The following MMP26 variants were observed in gnomAD, a reference collection of about 807,000 sequenced individuals.
The protein encoded by MMP26 is matrix metallopeptidase 26, also known as matrix metalloproteinase-26.
Under a neutral mutation model 31.0 loss-of-function variants are expected in MMP26, and 33 were observed. The observed-to-expected ratio is 1.06, with a 90% CI of 0.81 to 1.42. The LOEUF is 1.42. Ranked by LOEUF, MMP26 falls within the 40% of genes most tolerant of loss-of-function variation. The pLI is 0.00. For missense variants in MMP26, 347 were observed against 316.1 expected, an observed-to-expected ratio of 1.10 and a Z score of -0.74; for synonymous variants, 122 against 114.9, an observed-to-expected ratio of 1.06 and a Z score of -0.40.
chr11:4,878,292 C>T (rs1459385197), intron 2 of MMP26, among the ~76,000 whole-genome samples: 1 of 152,102 alleles, frequency 6.6e-6, no homozygotes, highest in Non-Finnish European at 1.5e-5. Flanking sequence ...ATCCGGACTG[C>T]TTAGTCCATT....
intron 1 of MMP26, among the ~76,000 whole-genome samples, chr11:4,728,020 G>A (rs1019360491): frequency 2.6e-5 from 4 of 152,130 alleles, no homozygotes; most frequent in African/African-American, 9.7e-5. Context: ...GTTCTCCTGA[G>A]AAGTAAAATT....
intron 2 of MMP26, among the ~76,000 whole-genome samples, chr11:4,904,916 A>G (rs1429853562): frequency 6.6e-6 from 1 of 152,130 alleles, no homozygotes; most frequent in Non-Finnish European, 1.5e-5. Flanking sequence ...ACCTTTTAAC[A>G]TGGAGTAGTC....
At chr11:4,790,955 A>G (rs1309445158) in intron 2 of MMP26, among the ~76,000 whole-genome samples, 5 of 152,196 alleles carry the variant, frequency 3.3e-5, no homozygotes, top group Non-Finnish European at 7.3e-5. Flanking sequence ...TTACATTTCT[A>G]ATTATATCTT....
chr11:4,803,032 A>G (rs950844025), intron 2 of MMP26, among the ~76,000 whole-genome samples: 1 of 152,214 alleles, frequency 6.6e-6, no homozygotes, highest in African/African-American at 2.4e-5. Context: ...GAAGAAATAT[A>G]TGTACTTTTA....
At chr11:4,901,248 C>A (rs918275676) in intron 2 of MMP26, among the ~76,000 whole-genome samples, 1 of 149,622 alleles carries the variant, frequency 6.7e-6, no homozygotes. Flanking sequence ...AAGCTCTGCC[C>A]CCCGGGGTTC....
chr11:4,785,088 T>A (rs552707458), intron 2 of MMP26, among the ~76,000 whole-genome samples: 1 of 152,172 alleles, frequency 6.6e-6, no homozygotes, highest in African/African-American at 2.4e-5. Context: ...TGATATATAC[T>A]GGTGTGACCA....
rs773751132 is a variant in MMP26 at position 4,989,735 on chromosome 11, C to T, written c.187C>T (p.Arg63Trp). 3.1e-5 allele frequency: 50 copies of T among 1,613,882 alleles called. No individual in the cohort carries two copies. The Admixed American group carries it at 5.7e-4, about 18-fold the overall frequency. Residue 63 changes from arginine to tryptophan, a missense_variant, in exon 4 of 8, where the codon CGG (arginine) becomes TGG (tryptophan). Transcript: ENST00000380390. ...TQTQLLQQFHRNGTDLLDMQM... is the reference protein window; with the variant it reads ...TQTQLLQQFHWNGTDLLDMQM... ...AACACAGCTCCTGCAACAATTCCATCGGAATGGGACAGACCTACTTGACAT... is the reference window on the plus strand; with the variant it reads ...AACACAGCTCCTGCAACAATTCCATTGGAATGGGACAGACCTACTTGACAT...
In MMP26 at chr11:4,988,120, T is replaced by C; in HGVS notation, c.-92T>C. On this transcript the variant is annotated 5_prime_UTR_variant, in exon 3 of 8. Transcript: ENST00000380390. ...TCAAAGAAAGGGCAAACTGGCAGAG[T>C]GAGTCATTGGATGTTGCTGGCACAG... 9.0e-7 allele frequency: 1 copy of C among 1,107,808 alleles called. No individual in the cohort carries two copies. 68.6% of individuals were successfully genotyped at this position (1,107,808 alleles called of 1,614,324 possible).
intron 2 of MMP26, among the ~76,000 whole-genome samples, chr11:4,942,144 A>G (rs1266757318): frequency 6.7e-6 from 1 of 149,298 alleles, no homozygotes; most frequent in East Asian, 2.0e-4. Flanking sequence ...GCTGCCAAGA[A>G]GAACATGCCT....
At position 4,889,838 on chromosome 11, in the gene MMP26, C is replaced by T. The variant is rs549993904; in HGVS notation, c.-144-98230C>T. The T allele has an allele frequency of 2.1e-4, 36 of 173,142 alleles. No individual in the cohort carries two copies. In the South Asian group the frequency reaches 5.1e-3, roughly 24 times the overall value. The allele number at this position is 173,142 out of a possible 1,614,324, so 10.7% of individuals were successfully genotyped here. A position where few individuals can be genotyped will look rare whatever the true frequency, so the allele number is the denominator to read the frequency against. On this transcript the variant is annotated intron_variant, in intron 2 of 7. Transcript: ENST00000380390. Reference sequence around the variant, plus strand: ...GACACAGGTGTTGAGGGCCTTGAGCCGCTCCCTATGGGATCCAATTCCCAT... The same window carrying T: ...GACACAGGTGTTGAGGGCCTTGAGCTGCTCCCTATGGGATCCAATTCCCAT...
intron 1 of MMP26, among the ~76,000 whole-genome samples, chr11:4,735,621 T>C (rs1435892896): frequency 1.3e-5 from 2 of 152,210 alleles, no homozygotes; most frequent in Non-Finnish European, 2.9e-5. Flanking sequence ...TTTTTTAATC[T>C]ATGTATTTCA....
chr11:4,932,220 A>G (rs767248811), intron 2 of MMP26, among the ~76,000 whole-genome samples: 2 of 152,084 alleles, frequency 1.3e-5, no homozygotes, highest in Non-Finnish European at 2.9e-5. Flanking sequence ...ATTAAACTAA[A>G]TAATCATTCT....
intron 1 of MMP26, among the ~76,000 whole-genome samples, chr11:4,728,820 TACAC>T (rs1427844619): frequency 3.9e-5 from 6 of 152,070 alleles, no homozygotes; most frequent in African/African-American, 7.2e-5. Context: ...TACACAAACA[TACAC>T]ACAGAGCACA....
chr11:4,873,744 T>C (rs1005123177), intron 2 of MMP26, among the ~76,000 whole-genome samples: 5 of 152,026 alleles, frequency 3.3e-5, no homozygotes, highest in Admixed American at 3.3e-4. Flanking sequence ...GGTGCTTATC[T>C]AAGTGCTCTA....
In MMP26 at chr11:4,836,084, G is replaced by A. The variant is rs1303887605; in HGVS notation, c.-145+68743G>A. 6.6e-5 allele frequency among the ~76,000 whole-genome samples: 10 copies of A among 152,020 alleles called. No individual in the cohort carries two copies. In the East Asian group the frequency reaches 9.6e-4, roughly 15 times the overall value. Reference sequence around the variant, plus strand: ...ACACTCTTGCATGTGAAAACTTACCGTTAATGTTTATTTTCTTACATTTAA... The same window carrying A: ...ACACTCTTGCATGTGAAAACTTACCATTAATGTTTATTTTCTTACATTTAA... On this transcript the variant is annotated intron_variant, in intron 2 of 7. Transcript: ENST00000380390.
At chr11:4,942,103 A>AAAAAAAAAAAAAAAAAAAAAG (rs1287567068) in intron 2 of MMP26, among the ~76,000 whole-genome samples, 1 of 142,456 alleles carries the variant, frequency 7.0e-6, no homozygotes. Context: ...AAAAAAAAAA[A>AAAAAAAAAAAAAAAAAAAAAG]AAAAAAAGGA....
intron 2 of MMP26, among the ~76,000 whole-genome samples, chr11:4,816,813 C>T (rs1039706450): frequency 6.7e-6 from 1 of 148,602 alleles, no homozygotes; most frequent in Admixed American, 6.7e-5. Context: ...ACGCCGTTCT[C>T]CTGCCTCAGC....
chr11:4,979,569 A>G (rs1451917018), intron 2 of MMP26, among the ~76,000 whole-genome samples: 1 of 152,174 alleles, frequency 6.6e-6, no homozygotes, highest in African/African-American at 2.4e-5. Context: ...ACAGAGTTCT[A>G]TGAAATTGCC....
intron 2 of MMP26, among the ~76,000 whole-genome samples, chr11:4,960,346 T>G (rs1263991086): frequency 6.6e-6 from 1 of 151,796 alleles, no homozygotes; most frequent in Admixed American, 6.6e-5. Flanking sequence ...TTCTGTAATG[T>G]TAGTTTGATT....
Sources: gnomAD v4.1 joint callset for allele counts (sites outside exome capture counted in the v4.1 genomes callset) on GRCh38, gnomAD v4.1.1 for gene constraint, MANE v1.5 for transcripts, NCBI Gene and HGNC (gene_info 2026-07-23, HGNC 2026-07-21) for gene names.